Variants in CSMD1 observed in about 807,000 individuals in gnomAD.
CSMD1 encodes CUB and sushi domain-containing protein 1.
A neutral mutation model predicts 417.5 loss-of-function variants in CSMD1; 213 were observed. The ratio of observed to expected loss-of-function variants is 0.51; its 90% confidence interval spans 0.46 to 0.57. CSMD1 has a LOEUF of 0.57. Among genes scored for constraint, CSMD1 ranks in the 20% least tolerant of loss-of-function variants. The pLI is 0.00. For synonymous variants in CSMD1, 2,862 were observed against 1,736.8 expected (o/e 1.65, Z -16.11); for missense variants, 6,923 against 4,529.7 (o/e 1.53, Z -15.17).
At chr8:3,349,124 T>C (rs552588163) in intron 21 of CSMD1, among the ~76,000 whole-genome samples, 67 of 152,292 alleles carry the variant, frequency 4.4e-4, no homozygotes, top group African/African-American at 1.6e-3. Context: ...TGAAGAATAA[T>C]TGTCAGGTTG....
chr8:4,605,949 C>A, intron 2 of CSMD1, among the ~76,000 whole-genome samples: 1 of 152,092 alleles, frequency 6.6e-6, no homozygotes, highest in Non-Finnish European at 1.5e-5. Flanking sequence ...GAGGATGTGT[C>A]TAAGCTAGAC....
chr8:3,425,043 T>G (rs943732725), intron 12 of CSMD1, among the ~76,000 whole-genome samples: 2 of 152,140 alleles, frequency 1.3e-5, no homozygotes, highest in Admixed American at 1.3e-4. Flanking sequence ...TCTCACTATG[T>G]TGACCAGCCT....
chr8:3,659,501 A>T (rs894084111), intron 7 of CSMD1, among the ~76,000 whole-genome samples: 1 of 152,200 alleles, frequency 6.6e-6, no homozygotes, highest in Non-Finnish European at 1.5e-5. Context: ...AGCCAAGGTC[A>T]AACTGTTATT....
chr8:3,772,580 C>G (rs1024418656), intron 5 of CSMD1, among the ~76,000 whole-genome samples: 2 of 124,390 alleles, frequency 1.6e-5, no homozygotes, highest in African/African-American at 5.8e-5. Flanking sequence ...CATATATACA[C>G]ATATATTTAT....
chr8:4,792,227 T>A (rs1797730666), intron 1 of CSMD1, among the ~76,000 whole-genome samples: 1 of 152,160 alleles, frequency 6.6e-6, no homozygotes, highest in African/African-American at 2.4e-5. Flanking sequence ...AGAGATTAAA[T>A]GTATAGAACT....
At chr8:4,763,055 A>C (rs1009432696) in intron 1 of CSMD1, among the ~76,000 whole-genome samples, 1 of 152,196 alleles carries the variant, frequency 6.6e-6, no homozygotes, top group African/African-American at 2.4e-5. Flanking sequence ...TCCAGGGTAC[A>C]GCTGTAACAT....
intron 7 of CSMD1, among the ~76,000 whole-genome samples, chr8:3,661,371 T>G (rs944625252): frequency 6.6e-6 from 1 of 151,840 alleles, no homozygotes; most frequent in Non-Finnish European, 1.5e-5. Context: ...TGCAGATTTC[T>G]GTATGTTACT....
chr8:4,097,328 C>T (rs919574705), intron 3 of CSMD1, among the ~76,000 whole-genome samples: 1 of 152,122 alleles, frequency 6.6e-6, no homozygotes, highest in Non-Finnish European at 1.5e-5. Flanking sequence ...TTTAATTTGC[C>T]TCAGTTGACA....
chr8:4,752,212 C>T lies in CSMD1; in HGVS notation c.86-114654G>A, dbSNP rs765834400. ...AAAAATCACTTCATCATAAACAGTACTATCATATCTTAATTTTTTTGTCTC... is the reference window on the plus strand; with the variant it reads ...AAAAATCACTTCATCATAAACAGTATTATCATATCTTAATTTTTTTGTCTC... On this transcript the variant is annotated intron_variant, in intron 1 of 69. Transcript: ENST00000635120. Among the ~76,000 whole-genome samples, 122 of 152,194 alleles carry T rather than the reference C, an allele frequency of 8.0e-4. 1 individual carries two copies. Among genetic ancestry groups the T allele is most frequent in the African/African-American group, 2.9e-3 (119 of 41,522 alleles).
chr8:4,157,522 G>A (rs1471392696), intron 3 of CSMD1, among the ~76,000 whole-genome samples: 2 of 151,986 alleles, frequency 1.3e-5, no homozygotes, highest in African/African-American at 4.8e-5. Flanking sequence ...ACTGGTTAAA[G>A]CAGCTCTAGC....
intron 2 of CSMD1, among the ~76,000 whole-genome samples, chr8:4,441,282 T>G (rs1260973538): frequency 2.9e-4 from 40 of 139,004 alleles, no homozygotes; most frequent in East Asian, 1.1e-3. Flanking sequence ...TTTTTTTTTT[T>G]GGTGGGGGGA....
intron 26 of CSMD1, among the ~76,000 whole-genome samples, chr8:3,236,316 T>G (rs553732110): frequency 6.6e-6 from 1 of 152,252 alleles, no homozygotes; most frequent in East Asian, 1.9e-4. Flanking sequence ...TGCCATAAAC[T>G]ACTAAGGCTT....
intron 1 of CSMD1, among the ~76,000 whole-genome samples, chr8:4,973,954 G>C (rs1198708206): frequency 6.6e-6 from 1 of 152,160 alleles, no homozygotes; most frequent in African/African-American, 2.4e-5. Flanking sequence ...TTTTTACAAA[G>C]CTAAGTCACT....
chr8:4,434,358 T>C (rs1171408537), intron 2 of CSMD1, among the ~76,000 whole-genome samples: 1 of 152,154 alleles, frequency 6.6e-6, no homozygotes, highest in Non-Finnish European at 1.5e-5. Context: ...AGCATGAGAC[T>C]GTCTCTAACT....
intron 55 of CSMD1, among the ~76,000 whole-genome samples, chr8:2,976,785 G>C (rs1804965720): frequency 6.6e-6 from 1 of 152,068 alleles, no homozygotes; most frequent in African/African-American, 2.4e-5. Flanking sequence ...ATGATCTTAA[G>C]ACATGATTCT....
intron 3 of CSMD1, among the ~76,000 whole-genome samples, chr8:4,175,735 A>C (rs1048562211): frequency 2.6e-5 from 4 of 152,188 alleles, no homozygotes; most frequent in African/African-American, 9.7e-5. Context: ...TGTTGCCTAG[A>C]AAAATAATGG....
At chr8:4,170,639 A>G (rs1378126075) in intron 3 of CSMD1, among the ~76,000 whole-genome samples, 1 of 151,906 alleles carries the variant, frequency 6.6e-6, no homozygotes, top group East Asian at 1.9e-4. Context: ...CATTTGTTTT[A>G]TTACATTCAC....
At chr8:3,374,338 T>G (rs2116733891) in intron 18 of CSMD1, among the ~76,000 whole-genome samples, 1 of 152,268 alleles carries the variant, frequency 6.6e-6, no homozygotes, top group South Asian at 2.1e-4. Flanking sequence ...TTAGAGTTAC[T>G]TATTAAGAAA....
intron 23 of CSMD1, 82 bp from the exon 24 acceptor site, chr8:3,308,585 C>T: frequency 2.7e-6 from 3 of 1,108,190 alleles, no homozygotes; most frequent in African/African-American, 3.1e-5. Flanking sequence ...AACAAGGTTG[C>T]TAAATGCTCC....
Sources: allele counts gnomAD v4.1 joint callset (sites outside exome capture counted in the v4.1 genomes callset), GRCh38; gene constraint gnomAD v4.1.1; transcripts MANE v1.5; gene names NCBI Gene and HGNC (gene_info 2026-07-23, HGNC 2026-07-21).